EXOC4: variants seen among roughly 807,000 people sequenced by gnomAD.
EXOC4 encodes SEC8-like 1.
EXOC4 carries 71 observed loss-of-function variants against 107.2 expected under a neutral mutation model. That is an observed-to-expected ratio of 0.66 (90% CI 0.55 to 0.81). The LOEUF (loss-of-function observed/expected upper bound fraction) is 0.81, where lower values mean the gene tolerates loss of function less well. Ranked by LOEUF, EXOC4 falls within the 30% of genes least tolerant of loss-of-function variation. The pLI, the probability that EXOC4 is intolerant of heterozygous loss-of-function variation, is 0.00. For missense variants in EXOC4, 1,108 were observed against 1,189.6 expected (o/e 0.93, Z 1.01); for synonymous variants, 456 against 441.2 (o/e 1.03, Z -0.42).
intron 17 of EXOC4, among the ~76,000 whole-genome samples, chr7:134,046,552 G>T (rs1261930417): frequency 3.3e-5 from 5 of 149,362 alleles, no homozygotes; most frequent in African/African-American, 9.9e-5. Context: ...AATTTTATTT[G>T]ATTTTTTTTT....
At chr7:133,867,172 G>A (rs1197151089) in intron 11 of EXOC4, among the ~76,000 whole-genome samples, 2 of 152,166 alleles carry the variant, frequency 1.3e-5, no homozygotes, top group African/African-American at 2.4e-5. Flanking sequence ...TTCAAGCCCT[G>A]GCCCTCCCAT....
chr7:133,305,004 T>C (rs1794719890), intron 3 of EXOC4, among the ~76,000 whole-genome samples: 1 of 152,102 alleles, frequency 6.6e-6, no homozygotes, highest in Non-Finnish European at 1.5e-5. Flanking sequence ...ATACAAGATC[T>C]TTACACATAA....
intron 11 of EXOC4, among the ~76,000 whole-genome samples, chr7:133,866,117 AC>A (rs1490715007): frequency 1.3e-5 from 2 of 152,232 alleles, no homozygotes; most frequent in East Asian, 3.8e-4. Context: ...AATAGTAGGC[AC>A]ATTACTATTG....
intron 10 of EXOC4, among the ~76,000 whole-genome samples, chr7:133,650,570 A>C (rs1274699611): frequency 2.6e-5 from 4 of 152,150 alleles, no homozygotes; most frequent in Admixed American, 2.6e-4. Context: ...CTAAATTATA[A>C]GCCCTAATTC....
At chr7:133,383,564 T>C (rs968828511) in intron 7 of EXOC4, among the ~76,000 whole-genome samples, 1 of 152,190 alleles carries the variant, frequency 6.6e-6, no homozygotes, top group African/African-American at 2.4e-5. Flanking sequence ...GCTTGAAGTT[T>C]GCTGTCAGGT....
intron 4 of EXOC4, among the ~76,000 whole-genome samples, chr7:133,310,642 T>C (rs907980589): frequency 3.3e-5 from 5 of 152,216 alleles, no homozygotes; most frequent in African/African-American, 1.2e-4. Context: ...CACACAGTCT[T>C]AGACAAGCCA....
chr7:133,597,592 C>T (rs905164079), intron 9 of EXOC4, among the ~76,000 whole-genome samples: 5 of 150,222 alleles, frequency 3.3e-5, no homozygotes, highest in African/African-American at 1.2e-4. Flanking sequence ...AAAAAAACCC[C>T]GAATCCTTGG....
chr7:134,044,820 T>C (rs1427361058), intron 17 of EXOC4, among the ~76,000 whole-genome samples: 1 of 152,244 alleles, frequency 6.6e-6, no homozygotes. Context: ...TTCACAAATA[T>C]GATTTCAGTG....
chr7:133,285,394 G>A (rs1391630367), intron 2 of EXOC4, among the ~76,000 whole-genome samples: 1 of 152,132 alleles, frequency 6.6e-6, no homozygotes, highest in East Asian at 1.9e-4. Flanking sequence ...GTTTTTGAGA[G>A]CTTGCAAACC....
chr7:133,658,933 TC>T (rs1803365287), intron 10 of EXOC4, among the ~76,000 whole-genome samples: 1 of 150,084 alleles, frequency 6.7e-6, no homozygotes, highest in African/African-American at 2.5e-5. Flanking sequence ...TGGTTTAGTT[TC>T]AGGTAAAACA....
chr7:133,302,225 C>T (rs1408751057), intron 3 of EXOC4, among the ~76,000 whole-genome samples: 1 of 152,158 alleles, frequency 6.6e-6, no homozygotes, highest in African/African-American at 2.4e-5. Context: ...TGTTCAATAT[C>T]ATGTGATAAA....
Position 133,470,919 on chromosome 7 carries a change from G to A in EXOC4, c.1183-4409G>A, listed in dbSNP as rs147817005. ...ATGAAAATTAAAATTTGAACCCATA[G>A]GTGTGTGCTTAGAATATATACAATT... On this transcript the variant is annotated intron_variant, in intron 7 of 17. Coordinates refer to ENST00000253861, the MANE Select transcript of EXOC4 (RefSeq NM_021807.4). Among the ~76,000 whole-genome samples the A allele has an allele frequency of 2.2e-3, 331 of 152,190 alleles. 1 individual carries two copies. The highest frequency in any genetic ancestry group is 0.01 in the Middle Eastern group (3 of 294).
At chr7:133,674,403 A>T (rs1794011766) in intron 10 of EXOC4, among the ~76,000 whole-genome samples, 1 of 152,124 alleles carries the variant, frequency 6.6e-6, no homozygotes, top group African/African-American at 2.4e-5. Flanking sequence ...TCATACACTT[A>T]ATTTATTTTA....
chr7:134,018,920 G>T (rs1298048772), intron 17 of EXOC4, among the ~76,000 whole-genome samples: 1 of 151,804 alleles, frequency 6.6e-6, no homozygotes, highest in African/African-American at 2.4e-5. Flanking sequence ...ATGTATGTTT[G>T]TTTTTGTTTT....
chr7:133,365,090 G>C (rs1029376879), intron 6 of EXOC4, among the ~76,000 whole-genome samples: 3 of 152,138 alleles, frequency 2.0e-5, no homozygotes, highest in African/African-American at 4.8e-5. Context: ...GTTGAGAAGC[G>C]TGAAAAGCAG....
At chr7:133,685,473 T>C (rs1173520844) in intron 10 of EXOC4, among the ~76,000 whole-genome samples, 1 of 152,178 alleles carries the variant, frequency 6.6e-6, no homozygotes, top group Non-Finnish European at 1.5e-5. Flanking sequence ...TTAAACCTCT[T>C]TCCTTTATAA....
intron 10 of EXOC4, among the ~76,000 whole-genome samples, chr7:133,694,027 AGGCC>A (rs1794477723): frequency 1.2e-4 from 18 of 152,190 alleles, no homozygotes; most frequent in Admixed American, 1.2e-3. Context: ...GCACTTTGGG[AGGCC>A]AAGGTGGGCG....
intron 7 of EXOC4, among the ~76,000 whole-genome samples, chr7:133,395,962 G>A (rs892150300): frequency 2.6e-5 from 4 of 151,936 alleles, no homozygotes; most frequent in Non-Finnish European, 4.4e-5. Context: ...GATTCTACAG[G>A]AGAGGTTCAT....
At chr7:133,513,962 T>A (rs1466435710) in intron 9 of EXOC4, among the ~76,000 whole-genome samples, 1 of 152,168 alleles carries the variant, frequency 6.6e-6, no homozygotes, top group Non-Finnish European at 1.5e-5. Context: ...CCTAGCACAT[T>A]GTGGCTGGCT....
Sources: gnomAD v4.1 joint callset for allele counts (sites outside exome capture counted in the v4.1 genomes callset) on GRCh38, gnomAD v4.1.1 for gene constraint, MANE v1.5 for transcripts, NCBI Gene and HGNC (gene_info 2026-07-23, HGNC 2026-07-21) for gene names.